PBX3: variants seen among roughly 807,000 people sequenced by gnomAD.
PBX3 encodes the protein PBX homeobox 3.
In PBX3, 14 loss-of-function variants were observed where a neutral mutation model predicts 48.5. The observed-to-expected ratio is 0.29, with a 90% CI of 0.19 to 0.45. The LOEUF is 0.45. Among genes scored for constraint, PBX3 ranks in the 20% least tolerant of loss-of-function variants. PBX3 has a pLI of 1.00. For synonymous variants in PBX3, 210 were observed against 200.3 expected, an observed-to-expected ratio of 1.05 and a Z score of -0.41; for missense variants, 386 against 546.7, an observed-to-expected ratio of 0.71 and a Z score of 2.93.
At chr9:125,818,409 A>C (rs1236412760) in intron 2 of PBX3, among the ~76,000 whole-genome samples, 1 of 151,560 alleles carries the variant, frequency 6.6e-6, no homozygotes, top group Non-Finnish European at 1.5e-5. Context: ...ATCTCAGCTC[A>C]CTACAGCCTC....
chr9:125,905,887 T>A (rs1457696149), intron 2 of PBX3, among the ~76,000 whole-genome samples: 1 of 152,064 alleles, frequency 6.6e-6, no homozygotes, highest in Non-Finnish European at 1.5e-5. Context: ...CTTCTGCCAT[T>A]GTCCTTTGCA....
At chr9:125,803,157 G>T (rs923822844) in intron 2 of PBX3, among the ~76,000 whole-genome samples, 1 of 144,408 alleles carries the variant, frequency 6.9e-6, no homozygotes, top group Non-Finnish European at 1.5e-5. Context: ...GCAGTGGTGC[G>T]ATCTCCCCTC....
At chr9:125,780,587 G>A (rs1408597261) in intron 2 of PBX3, among the ~76,000 whole-genome samples, 2 of 141,272 alleles carry the variant, frequency 1.4e-5, no homozygotes, top group South Asian at 2.3e-4. Flanking sequence ...CAGTAGGGGA[G>A]GCTGGGCAGA....
chr9:125,950,074 A>G (rs953821914), intron 5 of PBX3, among the ~76,000 whole-genome samples: 17 of 152,348 alleles, frequency 1.1e-4, no homozygotes, highest in Middle Eastern at 3.4e-3. Context: ...ATAATTTTAA[A>G]GAAAAAAAAA....
chr9:125,801,789 A>G (rs1473879824), intron 2 of PBX3, among the ~76,000 whole-genome samples: 3 of 136,148 alleles, frequency 2.2e-5, no homozygotes, highest in Admixed American at 8.2e-5. Context: ...ATGTATACAC[A>G]TACACACACA....
chr9:125,948,021 A>C (rs1004871236), intron 5 of PBX3, among the ~76,000 whole-genome samples: 1 of 152,242 alleles, frequency 6.6e-6, no homozygotes, highest in South Asian at 2.1e-4. Context: ...AAGGACATAG[A>C]ACAGTGCTTC....
chr9:125,889,202 G>C (rs73667279), intron 2 of PBX3, among the ~76,000 whole-genome samples: 9,044 of 152,246 alleles, frequency 0.059, 623 homozygotes, highest in East Asian at 0.17. Flanking sequence ...ACATCCCCGT[G>C]GTTTCTTGGA....
intron 5 of PBX3, among the ~76,000 whole-genome samples, chr9:125,944,657 A>G (rs1002038349): frequency 6.6e-6 from 1 of 152,130 alleles, no homozygotes; most frequent in Non-Finnish European, 1.5e-5. Flanking sequence ...GAGAAGGATG[A>G]ATAAGACTTT....
chr9:125,776,895 CTTATTTTTGT>C (rs1837086891), intron 2 of PBX3, among the ~76,000 whole-genome samples: 1 of 152,064 alleles, frequency 6.6e-6, no homozygotes, highest in African/African-American at 2.4e-5. Context: ...AGTATTGTGG[CTTATTTTTGT>C]TTGTTTTTGA....
At chr9:125,813,274 AT>A (rs949178997) in intron 2 of PBX3, among the ~76,000 whole-genome samples, 21 of 150,768 alleles carry the variant, frequency 1.4e-4, no homozygotes, top group African/African-American at 4.9e-4. Context: ...TTACTTTTTA[AT>A]TTTTTTTTGT....
At position 125,832,226 on chromosome 9, in the gene PBX3, C is replaced by T. The variant is rs187712884; in HGVS notation, c.275-83460C>T. Among the ~76,000 whole-genome samples, 743 of 148,540 alleles carry T rather than the reference C, an allele frequency of 5.0e-3. 3 individuals carry two copies. Among genetic ancestry groups the T allele is most frequent in the Non-Finnish European group, 8.4e-3 (565 of 67,498 alleles). On this transcript the variant is annotated intron_variant, in intron 2 of 8. Transcript: ENST00000373489. Reference sequence around the variant, plus strand: ...TCTTTTTTTTTTTGAGACGGAGTCTCGCTCTGTTGCCCAGGCTGGAGTGCA... The same window carrying T: ...TCTTTTTTTTTTTGAGACGGAGTCTTGCTCTGTTGCCCAGGCTGGAGTGCA...
At chr9:125,940,517 A>T (rs1347706422) in intron 5 of PBX3, among the ~76,000 whole-genome samples, 1 of 152,242 alleles carries the variant, frequency 6.6e-6, no homozygotes, top group African/African-American at 2.4e-5. Context: ...AGAAATGTGT[A>T]CACATACTCA....
chr9:125,882,714 T>C (rs921072815), intron 2 of PBX3, among the ~76,000 whole-genome samples: 1 of 152,248 alleles, frequency 6.6e-6, no homozygotes, highest in Non-Finnish European at 1.5e-5. Flanking sequence ...ATATTGAGTT[T>C]CTTCATTTTG....
At chr9:125,763,645 G>A (rs117727867) in intron 2 of PBX3, among the ~76,000 whole-genome samples, 8 of 152,284 alleles carry the variant, frequency 5.3e-5, no homozygotes, top group Non-Finnish European at 8.8e-5. Context: ...AATGAGGAGC[G>A]AACGGTGCTG....
intron 2 of PBX3, among the ~76,000 whole-genome samples, chr9:125,773,966 C>G (rs1837006857): frequency 6.6e-6 from 1 of 152,164 alleles, no homozygotes; most frequent in Admixed American, 6.5e-5. Flanking sequence ...AAAACATTTT[C>G]ATCCCCTCTA....
chr9:125,819,310 C>A (rs890906081), intron 2 of PBX3, among the ~76,000 whole-genome samples: 1 of 151,782 alleles, frequency 6.6e-6, no homozygotes, highest in Non-Finnish European at 1.5e-5. Flanking sequence ...GGGCGGATCA[C>A]CTGAGGTGGG....
chr9:125,919,132 C>G (rs914520414), intron 3 of PBX3, among the ~76,000 whole-genome samples: 1 of 152,012 alleles, frequency 6.6e-6, no homozygotes, highest in Non-Finnish European at 1.5e-5. Context: ...GAAAATAATT[C>G]AGGTACGTTC....
chr9:125,861,188 G>C (rs915701901), intron 2 of PBX3, among the ~76,000 whole-genome samples: 1 of 151,854 alleles, frequency 6.6e-6, no homozygotes, highest in Non-Finnish European at 1.5e-5. Flanking sequence ...CTAGCTACCC[G>C]GGAGGTTGAG....
At position 125,967,355 on chromosome 9, in the gene PBX3, A is replaced by C. The variant is rs1438684564; in HGVS notation, c.*1432A>C. On this transcript the variant is annotated 3_prime_UTR_variant, in exon 9 of 9. Coordinates refer to ENST00000373489, the MANE Select transcript of PBX3 (RefSeq NM_006195.6). ...TTATATGTAGTTTCAAACATGAATA[A>C]ACTTTTTGCTTTCATGATTAAATTT... 2 of 152,670 alleles carry C rather than the reference A, an allele frequency of 1.3e-5. No homozygotes were observed. Among genetic ancestry groups the C allele is most frequent in the Non-Finnish European group, 2.9e-5 (2 of 68,050 alleles). The allele number at this position is 152,670 out of a possible 1,614,324, so 9.5% of individuals were successfully genotyped here.
Sources: gnomAD v4.1 joint callset for allele counts (sites outside exome capture counted in the v4.1 genomes callset) on GRCh38, gnomAD v4.1.1 for gene constraint, MANE v1.5 for transcripts, NCBI Gene and HGNC (gene_info 2026-07-23, HGNC 2026-07-21) for gene names.